RUNX1: variants seen among roughly 807,000 people sequenced by gnomAD.
RUNX1 encodes the protein RUNX family transcription factor 1.
Under a neutral mutation model 42.8 loss-of-function variants are expected in RUNX1, and 19 were observed. The ratio of observed to expected loss-of-function variants is 0.44; its 90% CI spans 0.31 to 0.65. RUNX1 has a LOEUF of 0.65. RUNX1 is among the 30% of genes least tolerant of loss of function. The pLI is 0.07. For missense variants in RUNX1, 528 were observed against 672.0 expected (o/e 0.79, Z 2.37); for synonymous variants, 271 against 289.4 (o/e 0.94, Z 0.64).
chr21:34,914,745 A>C (rs1674924173), intron 2 of RUNX1, among the ~76,000 whole-genome samples: 1 of 152,190 alleles, frequency 6.6e-6, no homozygotes. Flanking sequence ...AGAATTCAGC[A>C]TTGGGAAGCC....
rs2056396936 is a variant in RUNX1, at chr21:34,788,545, AAC to A, written c.*3588_*3589del. On this transcript the variant is annotated 3_prime_UTR_variant, in exon 9 of 9. Coordinates refer to ENST00000675419, the MANE Select transcript of RUNX1 (RefSeq NM_001754.5). ...GCAAACCTAAGAAAAAGTCCTTAGA[AAC>A]ACACACAAAAAAATTGAAAAAAAGT... 4.3e-6 allele frequency: 1 copy of A among 233,076 alleles called. No homozygotes were observed. Among genetic ancestry groups the A allele is most frequent in the Non-Finnish European group, 8.5e-6 (1 of 117,818 alleles). The allele number at this position is 233,076 out of a possible 1,614,324, so 14.4% of individuals were successfully genotyped here.
At chr21:34,813,611 C>G (rs1363538325) in intron 7 of RUNX1, among the ~76,000 whole-genome samples, 1 of 152,016 alleles carries the variant, frequency 6.6e-6, no homozygotes, top group Non-Finnish European at 1.5e-5. Flanking sequence ...GCATGTTGAG[C>G]CCTGGGTGAG....
intron 5 of RUNX1, among the ~76,000 whole-genome samples, chr21:34,874,746 T>C (rs1569074780): frequency 6.6e-6 from 1 of 150,628 alleles, no homozygotes; most frequent in South Asian, 2.1e-4. Flanking sequence ...CTCCACCCTC[T>C]CTTGCCCCTT....
chr21:34,793,022 C>T (rs572264086), intron 8 of RUNX1, among the ~76,000 whole-genome samples: 7 of 151,280 alleles, frequency 4.6e-5, no homozygotes, highest in Middle Eastern at 3.5e-3. Context: ...CCTAGGAGGA[C>T]GGGGGACACC....
At chr21:34,882,402 C>G (rs2057918553) in intron 4 of RUNX1, among the ~76,000 whole-genome samples, 1 of 152,200 alleles carries the variant, frequency 6.6e-6, no homozygotes, top group Non-Finnish European at 1.5e-5. Context: ...CTCATAGAAG[C>G]AGGGAGGCAT....
chr21:34,941,277 C>A (rs1310248874), intron 2 of RUNX1, among the ~76,000 whole-genome samples: 3 of 152,210 alleles, frequency 2.0e-5, no homozygotes, highest in Non-Finnish European at 4.4e-5. Flanking sequence ...CCTGCTGATG[C>A]TAACCGTATT....
chr21:34,953,538 T>A (rs962626876), intron 2 of RUNX1, among the ~76,000 whole-genome samples: 7 of 152,138 alleles, frequency 4.6e-5, no homozygotes, highest in African/African-American at 1.7e-4. Flanking sequence ...AGAAGAAAGA[T>A]ATAAGGAGTC....
intron 5 of RUNX1, among the ~76,000 whole-genome samples, chr21:34,865,279 C>CGTGCGTGTGT (rs1555895662): frequency 7.6e-6 from 1 of 132,380 alleles, no homozygotes; most frequent in Non-Finnish European, 1.6e-5. Flanking sequence ...GGGTTTTGTG[C>CGTGCGTGTGT]GTGTGTGTGT....
At chr21:35,038,825 T>A (rs1568806998) in intron 2 of RUNX1, 1 of 445,366 alleles carries the variant, frequency 2.2e-6, no homozygotes, top group East Asian at 7.0e-5. Context: ...CCTGGCAGCC[T>A]TGGCCGAGGC....
chr21:34,930,270 G>GTGTGTATATATATATA (rs372412304), intron 2 of RUNX1, among the ~76,000 whole-genome samples: 35 of 122,984 alleles, frequency 2.8e-4, no homozygotes, highest in Middle Eastern at 4.1e-3. Flanking sequence ...GTGTGTGTAT[G>GTGTGTATATATATATA]TATATATATA....
At chr21:34,887,675 G>A (rs549790457) in intron 3 of RUNX1, 2 of 1,073,970 alleles carry the variant, frequency 1.9e-6, no homozygotes, top group African/African-American at 1.6e-5. Context: ...CAAAGGTAGT[G>A]CTACTAATGT....
At chr21:35,048,760 T>C in intron 2 of RUNX1, 82 bp downstream of exon 2, 1 of 1,182,024 alleles carries the variant, frequency 8.5e-7, no homozygotes, top group South Asian at 1.2e-5. Flanking sequence ...GAGGCATCTC[T>C]GCACCGAGGT....
At chr21:34,854,160 T>G (rs1392704530) in intron 6 of RUNX1, among the ~76,000 whole-genome samples, 1 of 152,138 alleles carries the variant, frequency 6.6e-6, no homozygotes, top group Non-Finnish European at 1.5e-5. Context: ...AAGCACATTC[T>G]CCATATATAA....
chr21:34,864,498 T>C (rs574991631), intron 5 of RUNX1, among the ~76,000 whole-genome samples: 43 of 152,316 alleles, frequency 2.8e-4, no homozygotes, highest in African/African-American at 1.0e-3. Context: ...CAAGGCTCCC[T>C]GAAGCACTCA....
intron 2 of RUNX1, among the ~76,000 whole-genome samples, chr21:34,950,876 G>A (rs1000023722): frequency 2.6e-5 from 4 of 152,312 alleles, no homozygotes; most frequent in East Asian, 1.9e-4. Flanking sequence ...AACTTCCAGC[G>A]TGGTTTAGGG....
At chr21:34,930,715 T>A (rs112793728) in intron 2 of RUNX1, among the ~76,000 whole-genome samples, 2 of 127,328 alleles carry the variant, frequency 1.6e-5, no homozygotes, top group Non-Finnish European at 3.4e-5. Context: ...TCTCTCTCTC[T>A]CTCTCACACA....
intron 2 of RUNX1, among the ~76,000 whole-genome samples, chr21:34,894,959 A>G (rs758483403): frequency 1.3e-5 from 2 of 151,492 alleles, no homozygotes; most frequent in Non-Finnish European, 2.9e-5. Flanking sequence ...GTCCACATGC[A>G]TGGTAAGCTA....
intron 2 of RUNX1, among the ~76,000 whole-genome samples, chr21:34,898,829 G>A (rs1350723869): frequency 6.6e-6 from 1 of 152,214 alleles, no homozygotes; most frequent in African/African-American, 2.4e-5. Flanking sequence ...TGAGATTCTT[G>A]GTTTCCCATA....
chr21:34,884,291 C>A (rs754358360), intron 4 of RUNX1, among the ~76,000 whole-genome samples: 4 of 152,138 alleles, frequency 2.6e-5, no homozygotes, highest in Non-Finnish European at 4.4e-5. Flanking sequence ...AAAGAAAATT[C>A]ATAATTTTAA....
Sources: gnomAD v4.1 joint callset for allele counts (sites outside exome capture counted in the v4.1 genomes callset) on GRCh38, gnomAD v4.1.1 for gene constraint, MANE v1.5 for transcripts, NCBI Gene and HGNC (gene_info 2026-07-23, HGNC 2026-07-21) for gene names.